TENT5D: variants seen among roughly 807,000 people sequenced by gnomAD.
The protein encoded by TENT5D is cancer/testis antigen 112.
For missense variants in TENT5D, 191 were observed against 287.0 expected (o/e 0.67, Z 2.42); for synonymous variants, 103 against 100.6 (o/e 1.02, Z -0.15).
intron 1 of TENT5D, among the ~76,000 whole-genome samples, chrX:80,427,395 C>T (rs1027451015): frequency 7.1e-5 from 8 of 112,239 alleles, no homozygotes; most frequent in African/African-American, 2.6e-4. Context: ...AGCAAACCTA[C>T]TATGTGACTT....
intron 2 of TENT5D, among the ~76,000 whole-genome samples, chrX:80,336,840 A>G (rs2147509280): frequency 8.9e-6 from 1 of 112,359 alleles, no homozygotes; most frequent in South Asian, 3.6e-4. Context: ...TCAGTTTTTT[A>G]GTAAAATTAA....
At chrX:80,400,943 A>G (rs1319053581) in intron 3 of TENT5D, among the ~76,000 whole-genome samples, 2 of 111,394 alleles carry the variant, frequency 1.8e-5, no homozygotes, top group Non-Finnish European at 3.8e-5. Context: ...ATTTTTCTAT[A>G]TGTTTGAAAA....
rs776761836 is a variant in TENT5D at position 80,397,006 on chromosome X, C to T, written c.-141-41604C>T. ...GCAGAGGCGCCCCTCACCTCCCGGA[C>T]GGGGCGTCTGGCCGGGGGGGGGGCT... On this transcript the variant is annotated intron_variant, in intron 3 of 4. Coordinates refer to the TENT5D transcript ENST00000538312. Among the ~76,000 whole-genome samples, 146 of 87,632 alleles carry T rather than the reference C, an allele frequency of 1.7e-3. 1 individual carries two copies. The highest frequency in any genetic ancestry group is 5.4e-3 in the Admixed American group (44 of 8,219). 76.1% of individuals were successfully genotyped at this position (87,632 alleles called of 115,157 possible).
chrX:80,340,784 A>C (rs1383860183), intron 2 of TENT5D, among the ~76,000 whole-genome samples: 1 of 111,589 alleles, frequency 9.0e-6, no homozygotes, highest in Non-Finnish European at 1.9e-5. Context: ...GACAGCCCAA[A>C]ATGTCTCCAG....
At chrX:80,437,001 C>A (rs1932196335) in intron 1 of TENT5D, among the ~76,000 whole-genome samples, 1 of 111,839 alleles carries the variant, frequency 8.9e-6, no homozygotes, top group African/African-American at 3.2e-5. Context: ...AAAAAATTAT[C>A]TGCAGTGTTG....
At chrX:80,340,023 GTTGA>G (rs1011051686) in intron 2 of TENT5D, among the ~76,000 whole-genome samples, 1 of 110,452 alleles carries the variant, frequency 9.1e-6, no homozygotes, top group African/African-American at 3.3e-5. Context: ...TATTACTTGA[GTTGA>G]TTGATTATTA....
chrX:80,435,468 T>C (rs1286403948), intron 1 of TENT5D, among the ~76,000 whole-genome samples: 2 of 112,456 alleles, frequency 1.8e-5, no homozygotes, highest in African/African-American at 6.4e-5. Flanking sequence ...AAAACTTTCA[T>C]CCTTTGCCAG....
chrX:80,373,631 A>G (rs1315667137), intron 3 of TENT5D, among the ~76,000 whole-genome samples: 1 of 111,117 alleles, frequency 9.0e-6, no homozygotes. Context: ...CCAAAGCTAT[A>G]TATCTATTCC....
chrX:80,342,389 G>GAGCTC (rs778463617), intron 2 of TENT5D: 1 of 112,019 alleles, frequency 8.9e-6, no homozygotes, highest in Non-Finnish European at 1.9e-5. Flanking sequence ...TATGGTAACT[G>GAGCTC]AGCTCAACTG....
At chrX:80,398,368 A>C (rs1931327199) in intron 3 of TENT5D, among the ~76,000 whole-genome samples, 1 of 111,911 alleles carries the variant, frequency 8.9e-6, no homozygotes, top group African/African-American at 3.2e-5. Context: ...CTACTCTGTT[A>C]TATATAACAT....
At chrX:80,390,083 A>G (rs1029299918) in intron 3 of TENT5D, among the ~76,000 whole-genome samples, 1 of 111,538 alleles carries the variant, frequency 9.0e-6, no homozygotes, top group African/African-American at 3.3e-5. Flanking sequence ...ATTCATAGTT[A>G]ACAAGAGAGA....
intron 3 of TENT5D, among the ~76,000 whole-genome samples, chrX:80,385,203 G>A (rs1930966719): frequency 9.0e-6 from 1 of 111,525 alleles, no homozygotes; most frequent in African/African-American, 3.3e-5. Context: ...AAAACAGTAT[G>A]GTACTGGTAT....
chrX:80,420,659 T>C (rs1363826705), intron 1 of TENT5D, 96 bp downstream of exon 1: 1 of 112,351 alleles, frequency 8.9e-6, no homozygotes, highest in Non-Finnish European at 1.9e-5. Flanking sequence ...CAGAAACTTA[T>C]TTGATTCAAC....
intron 3 of TENT5D, among the ~76,000 whole-genome samples, chrX:80,358,595 A>T (rs1004538572): frequency 4.5e-5 from 5 of 112,234 alleles, no homozygotes; most frequent in African/African-American, 1.6e-4. Flanking sequence ...TTTTGGAAAT[A>T]TTCTTTGGAG....
intron 3 of TENT5D, among the ~76,000 whole-genome samples, chrX:80,396,221 G>C (rs1931236725): frequency 9.0e-6 from 1 of 111,081 alleles, no homozygotes; most frequent in Non-Finnish European, 1.9e-5. Context: ...TAGTGAGATT[G>C]CTGGATCATA....
intron 3 of TENT5D, among the ~76,000 whole-genome samples, chrX:80,394,824 A>T (rs1310768947): frequency 8.9e-6 from 1 of 111,944 alleles, no homozygotes. Flanking sequence ...CATCAGGATG[A>T]TTAGTGTATC....
Position 80,411,018 on chromosome X carries a change from C to G in TENT5D, c.-141-27592C>G, listed in dbSNP as rs1476713989. ...AACAAAAAACCAAACACCTCATATT[C>G]TCACTCATAGGTGGGAATTGAACAA... On this transcript the variant is annotated intron_variant, in intron 3 of 4. Transcript: ENST00000538312. Among the ~76,000 whole-genome samples, 3 of 100,844 alleles carry G rather than the reference C, an allele frequency of 3.0e-5. No individual in the cohort carries two copies. The East Asian group carries it at 9.8e-4, about 33-fold the overall frequency. The allele number at this position is 100,844 out of a possible 115,157, so 87.6% of individuals were successfully genotyped here. A position where few individuals can be genotyped will look rare whatever the true frequency, so the allele number is the denominator to read the frequency against.
At chrX:80,404,122 A>G (rs1931438116) in intron 3 of TENT5D, among the ~76,000 whole-genome samples, 1 of 111,907 alleles carries the variant, frequency 8.9e-6, no homozygotes, top group Non-Finnish European at 1.9e-5. Context: ...TCTGTGTTTA[A>G]TAACATTAAT....
intron 1 of TENT5D, among the ~76,000 whole-genome samples, chrX:80,432,265 C>T (rs1000606741): frequency 1.8e-5 from 2 of 111,652 alleles, no homozygotes; most frequent in African/African-American, 6.5e-5. Context: ...GTCCAAGGGC[C>T]CCCAGGTAAC....
Sources: gnomAD v4.1 joint callset for allele counts (sites outside exome capture counted in the v4.1 genomes callset) on GRCh38, gnomAD v4.1.1 for gene constraint, MANE v1.5 for transcripts, NCBI Gene and HGNC (gene_info 2026-07-23, HGNC 2026-07-21) for gene names.